The following TMEM51 variants were observed in gnomAD, a reference collection of about 807,000 sequenced individuals.
TMEM51 encodes the protein chromosome 1 open reading frame 72.
TMEM51 carries 8 observed loss-of-function variants against 13.6 expected under a neutral mutation model. The ratio of observed to expected loss-of-function variants is 0.59; its 90% CI spans 0.35 to 1.07. The LOEUF is 1.07. Ranked by LOEUF, TMEM51 falls within the 50% of genes least tolerant of loss-of-function variation. TMEM51 has a pLI of 0.02. For synonymous variants in TMEM51, 147 were observed against 144.4 expected, an observed-to-expected ratio of 1.02 and a Z score of -0.13; for missense variants, 279 against 330.7, an observed-to-expected ratio of 0.84 and a Z score of 1.21.
chr1:15,176,971 A>G (rs1313955656), intron 1 of TMEM51, among the ~76,000 whole-genome samples: 2 of 152,206 alleles, frequency 1.3e-5, no homozygotes, highest in Non-Finnish European at 2.9e-5. Flanking sequence ...TTGGGAGCCA[A>G]CTGAACATGG....
chr1:15,153,391 ACACACACGCGCGTGCGCG>A (rs201234410), upstream of TMEM51, among the ~76,000 whole-genome samples: 2,179 of 152,182 alleles, frequency 0.014, 64 homozygotes, highest in African/African-American at 0.049. Context: ...ACCACCCGTC[ACACACACGCGCGTGCGCG>A]CACACACGCA....
intron 2 of TMEM51, among the ~76,000 whole-genome samples, chr1:15,211,117 A>T (rs1398266473): frequency 6.6e-6 from 1 of 152,258 alleles, no homozygotes; most frequent in East Asian, 1.9e-4. Context: ...GGTGAATCCC[A>T]TCACACACAG....
At chr1:15,153,361 G>A (rs988670447), upstream of TMEM51, among the ~76,000 whole-genome samples, 3 of 152,162 alleles carry the variant, frequency 2.0e-5, no homozygotes, top group South Asian at 6.2e-4. Flanking sequence ...GGGACTTCTA[G>A]CTTGAGACAT....
Position 15,220,097 on chromosome 1 carries a change from G to GT in TMEM51, c.*357dup, listed in dbSNP as rs144811835. 108 of 260,702 alleles carry GT rather than the reference G, an allele frequency of 4.1e-4. No homozygotes were observed. Among genetic ancestry groups the GT allele is most frequent in the African/African-American group, 2.3e-3 (105 of 45,884 alleles). The allele number at this position is 260,702 out of a possible 1,614,324, so 16.1% of individuals were successfully genotyped here. A position where few individuals can be genotyped will look rare whatever the true frequency, so the allele number is the denominator to read the frequency against. ...CTCGCGGCTGGTTTAGATTGTGGTT[G>GT]TTTGTTTTGCTTCTACTAAGACTGT... On this transcript the variant is annotated 3_prime_UTR_variant, in exon 4 of 4. Transcript: ENST00000376008.
intron 1 of TMEM51, among the ~76,000 whole-genome samples, chr1:15,184,881 T>G (rs1387170559): frequency 2.0e-5 from 3 of 151,912 alleles, no homozygotes; most frequent in Non-Finnish European, 2.9e-5. Flanking sequence ...GAGATGCTAT[T>G]GGTATCTAGT....
intron 1 of TMEM51, among the ~76,000 whole-genome samples, chr1:15,195,730 G>A (rs1274839138): frequency 6.6e-6 from 1 of 152,144 alleles, no homozygotes; most frequent in African/African-American, 2.4e-5. Flanking sequence ...AGCTGGCCCA[G>A]GGTTGCACAC....
chr1:15,201,432 A>T (rs1005305551), intron 1 of TMEM51, among the ~76,000 whole-genome samples: 2 of 151,550 alleles, frequency 1.3e-5, no homozygotes, highest in Non-Finnish European at 2.9e-5. Flanking sequence ...AATGGAATAC[A>T]TAAAATTAAT....
At chr1:15,176,999 A>G (rs1643474642) in intron 1 of TMEM51, among the ~76,000 whole-genome samples, 1 of 152,206 alleles carries the variant, frequency 6.6e-6, no homozygotes, top group Non-Finnish European at 1.5e-5. Flanking sequence ...CGGGAGTTGC[A>G]GATGTCTGAA....
intron 1 of TMEM51, among the ~76,000 whole-genome samples, chr1:15,164,987 G>C (rs1642941465): frequency 6.6e-6 from 1 of 152,046 alleles, no homozygotes; most frequent in South Asian, 2.1e-4. Context: ...ATTTGTAGTA[G>C]AGACGAGGTT....
rs772339983 is a variant in TMEM51 at position 15,219,384 on chromosome 1, G to A, written c.403G>A (p.Glu135Lys). 14 of 1,609,754 alleles carry A rather than the reference G, an allele frequency of 8.7e-6. No individual in the cohort carries two copies. Among genetic ancestry groups the A allele is most frequent in the Non-Finnish European group, 1.1e-5 (13 of 1,176,826 alleles). Residue 135 changes from glutamate to lysine, a missense_variant, in exon 4 of 4, where the codon GAG (glutamate) becomes AAG (lysine). Physicochemically the swap from Glu to Lys is moderately conservative, Grantham distance 56 (BLOSUM62 1). Transcript: ENST00000376008. ...AASRYYVPSYEEVMNTNYSEA... is the reference protein window; with the variant it reads ...AASRYYVPSYKEVMNTNYSEA... ...CTCAAGGTACTATGTTCCCAGCTAC[G>A]AGGAAGTGATGAACACAAACTACTC...
chr1:15,177,730 C>A (rs1206012080), intron 1 of TMEM51, among the ~76,000 whole-genome samples: 1 of 151,956 alleles, frequency 6.6e-6, no homozygotes, highest in Non-Finnish European at 1.5e-5. Flanking sequence ...TGATTTGCAC[C>A]CTTGTATGAA....
In TMEM51 at chr1:15,161,696, T is replaced by G. The variant is rs1232832481; in HGVS notation, c.-267+7742T>G. ...GCTCACGCCGGTAATCCCAGCACTT[T>G]GGGAAACCGAGGCAGGCAGATCACG... On this transcript the variant is annotated intron_variant, in intron 1 of 3. Transcript: ENST00000376008. The surrounding 1 kb of genome is among the most constrained non-coding windows in gnomAD (Gnocchi z 4.0). 6.6e-6 allele frequency among the ~76,000 whole-genome samples: 1 copy of G among 151,802 alleles called. No individual in the cohort carries two copies. The highest frequency in any genetic ancestry group is 2.4e-5 in the African/African-American group (1 of 41,208).
At chr1:15,201,587 T>C (rs1410650959) in intron 1 of TMEM51, among the ~76,000 whole-genome samples, 1 of 152,042 alleles carries the variant, frequency 6.6e-6, no homozygotes, top group Non-Finnish European at 1.5e-5. Flanking sequence ...ACAAGTGACT[T>C]CCTAAAAATC....
intron 2 of TMEM51, among the ~76,000 whole-genome samples, chr1:15,214,595 A>G (rs1185584670): frequency 6.6e-6 from 1 of 152,186 alleles, no homozygotes; most frequent in Non-Finnish European, 1.5e-5. Flanking sequence ...ACTGCACTTC[A>G]TTAAATTCCA....
At chr1:15,160,866 C>A (rs532651225) in intron 1 of TMEM51, among the ~76,000 whole-genome samples, 1 of 145,264 alleles carries the variant, frequency 6.9e-6, no homozygotes, top group African/African-American at 2.5e-5. Context: ...CCGCCCCCCA[C>A]CCCGATGGAG....
chr1:15,213,503 G>A (rs958016693), intron 2 of TMEM51, among the ~76,000 whole-genome samples: 6 of 152,150 alleles, frequency 3.9e-5, no homozygotes, highest in Non-Finnish European at 1.5e-5. Context: ...CAGGAATAAT[G>A]TATGGGGGAG....
chr1:15,199,400 G>A lies in TMEM51; in HGVS notation c.-266-11090G>A, dbSNP rs183179083. Reference sequence around the variant, plus strand: ...TCCACCCTCCTTGCCCTCCCAAAGTGCTGGGATTACAGGCATGAGCCACCA... The same window carrying A: ...TCCACCCTCCTTGCCCTCCCAAAGTACTGGGATTACAGGCATGAGCCACCA... On this transcript the variant is annotated intron_variant, in intron 1 of 3. Coordinates refer to ENST00000376008, the MANE Select transcript of TMEM51 (RefSeq NM_001136218.2). 8.2e-3 allele frequency among the ~76,000 whole-genome samples: 1,255 copies of A among 152,264 alleles called. 19 individuals carry two copies. Among genetic ancestry groups the A allele is most frequent in the African/African-American group, 0.028 (1,147 of 41,560 alleles).
chr1:15,206,348 G>T (rs1268165362), intron 1 of TMEM51, among the ~76,000 whole-genome samples: 3 of 147,682 alleles, frequency 2.0e-5, no homozygotes, highest in Non-Finnish European at 3.1e-5. Context: ...GAAGAAGGAA[G>T]GAGGGAAGGA....
rs34885407 is a variant in TMEM51, at chr1:15,194,917, C to CT, written c.-266-15550dup. ...AATTCAAGCCCCATATATAATTTTA[C>CT]TTTTTTTTTTTTTTTTTTTTTTTGA... is the stretch of plus-strand genomic sequence containing the variant. On this transcript the variant is annotated intron_variant, in intron 1 of 3. Coordinates refer to ENST00000376008, the MANE Select transcript of TMEM51 (RefSeq NM_001136218.2). 4.2e-3 allele frequency among the ~76,000 whole-genome samples: 388 copies of CT among 93,422 alleles called. 5 individuals carry two copies. The highest frequency in any genetic ancestry group is 9.0e-3 in the African/African-American group (220 of 24,498). 61.3% of individuals were successfully genotyped at this position (93,422 alleles called of 152,430 possible).
Sources: allele counts gnomAD v4.1 joint callset (sites outside exome capture counted in the v4.1 genomes callset), GRCh38; gene constraint gnomAD v4.1.1; non-coding constraint Gnocchi (gnomAD v3.1); transcripts MANE v1.5; gene names NCBI Gene and HGNC (gene_info 2026-07-23, HGNC 2026-07-21).